GNB4: variants seen among roughly 807,000 people sequenced by gnomAD.
GNB4 encodes guanine nucleotide-binding protein subunit beta-4.
GNB4 carries 28 observed loss-of-function variants against 45.2 expected under a neutral mutation model. The observed-to-expected ratio is 0.62, with a 90% CI of 0.46 to 0.85. The LOEUF is 0.85. Among genes scored for constraint, GNB4 ranks in the 40% least tolerant of loss-of-function variants. GNB4 has a pLI of 0.00. For missense variants in GNB4, 321 were observed against 425.4 expected (o/e 0.75, Z 2.16); for synonymous variants, 132 against 143.7 (o/e 0.92, Z 0.58).
intron 1 of GNB4, among the ~76,000 whole-genome samples, chr3:179,438,166 A>G (rs1363091906): frequency 6.6e-6 from 1 of 152,216 alleles, no homozygotes; most frequent in Non-Finnish European, 1.5e-5. Context: ...CTGAGCATTT[A>G]TTACGTGTAT....
intron 1 of GNB4, among the ~76,000 whole-genome samples, chr3:179,437,545 A>G (rs1715488238): frequency 1.3e-5 from 2 of 150,656 alleles, no homozygotes; most frequent in African/African-American, 4.9e-5. Flanking sequence ...CTGACTGGCA[A>G]AAGAGCAAGT....
At chr3:179,507,429 A>G in the GNB4 span, among the ~76,000 whole-genome samples, 1 of 152,210 alleles carries the variant, frequency 6.6e-6, no homozygotes, top group Admixed American at 6.5e-5. Context: ...GGAGGAAGGA[A>G]GGAAGGAAGG....
At chr3:179,428,344 ATTGT>A in intron 1 of GNB4, among the ~76,000 whole-genome samples, 1 of 152,208 alleles carries the variant, frequency 6.6e-6, no homozygotes, top group East Asian at 1.9e-4. Context: ...ATAAAGTTTG[ATTGT>A]TTAACAATTT....
chr3:179,522,321 T>G, the GNB4 span, among the ~76,000 whole-genome samples: 1 of 142,998 alleles, frequency 7.0e-6, no homozygotes, highest in Non-Finnish European at 1.5e-5. Context: ...CCCTTTTGAC[T>G]GTAATTTTCC....
At chr3:179,520,580 C>T in the GNB4 span, among the ~76,000 whole-genome samples, 1 of 152,208 alleles carries the variant, frequency 6.6e-6, no homozygotes, top group Non-Finnish European at 1.5e-5. Context: ...CTCTACAGTT[C>T]TCATAACTTC....
chr3:179,452,921 G>A (rs1715920697), upstream of GNB4, among the ~76,000 whole-genome samples: 2 of 152,110 alleles, frequency 1.3e-5, no homozygotes, highest in South Asian at 4.1e-4. Context: ...AGGAAGCAAA[G>A]GGAAATTGTT....
chr3:179,492,562 A>G, the GNB4 span, among the ~76,000 whole-genome samples: 1 of 152,164 alleles, frequency 6.6e-6, no homozygotes, highest in African/African-American at 2.4e-5. Context: ...AGTGTACCCC[A>G]GAGACCTGGA....
chr3:179,479,102 C>T, the GNB4 span, among the ~76,000 whole-genome samples: 22 of 152,162 alleles, frequency 1.4e-4, no homozygotes, highest in Middle Eastern at 3.4e-3. Flanking sequence ...TATAGCAGTG[C>T]GAGAATAGAC....
chr3:179,508,944 A>ATATATATATG, the GNB4 span, among the ~76,000 whole-genome samples: 6 of 144,720 alleles, frequency 4.1e-5, no homozygotes, highest in Non-Finnish European at 9.0e-5. Flanking sequence ...ATATATATAT[A>ATATATATATG]TATATATATA....
chr3:179,424,079 G>C (rs775691405), intron 2 of GNB4, among the ~76,000 whole-genome samples: 3 of 152,304 alleles, frequency 2.0e-5, no homozygotes, highest in Non-Finnish European at 2.9e-5. Context: ...ACTAAGGTTG[G>C]GAGAACCAAC....
intron 8 of GNB4, 98 bp downstream of exon 8, chr3:179,413,313 TG>T: frequency 1.1e-6 from 1 of 893,602 alleles, no homozygotes; most frequent in Non-Finnish European, 1.8e-6. Context: ...GCACATTACT[TG>T]TAAGAATCCT....
chr3:179,443,838 C>T (rs978615985), intron 1 of GNB4, among the ~76,000 whole-genome samples: 2 of 152,256 alleles, frequency 1.3e-5, no homozygotes, highest in African/African-American at 4.8e-5. Context: ...CTATCCCATC[C>T]CCAATTCTCT....
chr3:179,416,129 CA>C (rs572403352), intron 5 of GNB4, among the ~76,000 whole-genome samples: 28 of 151,994 alleles, frequency 1.8e-4, no homozygotes, highest in Non-Finnish European at 3.7e-4. Context: ...TGGAGCGGGC[CA>C]AAGAAGAGCT....
At chr3:179,452,724 A>G (rs1399643097), upstream of GNB4, among the ~76,000 whole-genome samples, 1 of 152,174 alleles carries the variant, frequency 6.6e-6, no homozygotes, top group Non-Finnish European at 1.5e-5. Flanking sequence ...GAAACTGTGG[A>G]TAATTTTTCC....
At chr3:179,505,757 T>A in the GNB4 span, among the ~76,000 whole-genome samples, 1 of 152,206 alleles carries the variant, frequency 6.6e-6, no homozygotes. Flanking sequence ...AGTCATCATA[T>A]GACTTCATCA....
the GNB4 span, among the ~76,000 whole-genome samples, chr3:179,461,388 T>C: frequency 6.6e-6 from 1 of 151,864 alleles, no homozygotes; most frequent in Non-Finnish European, 1.5e-5. Flanking sequence ...TCCCAGCTAC[T>C]CGGGAGGCTG....
chr3:179,416,629 T>A (rs1169352134), intron 4 of GNB4, 73 bp from the exon 5 acceptor site: 2 of 768,418 alleles, frequency 2.6e-6, no homozygotes, highest in Non-Finnish European at 4.2e-6. Context: ...TGCATTGCAT[T>A]AATGTAGAAT....
intron 1 of GNB4, among the ~76,000 whole-genome samples, chr3:179,450,323 C>T (rs1007199641): frequency 3.9e-5 from 6 of 152,170 alleles, no homozygotes; most frequent in African/African-American, 1.4e-4. Flanking sequence ...CAGCCGTCCT[C>T]CTCTCCGACT....
the GNB4 span, chr3:179,465,193 A>G: frequency 3.0e-6 from 4 of 1,312,626 alleles, no homozygotes; most frequent in Admixed American, 1.7e-5. Flanking sequence ...ATGATCCTGT[A>G]ACTGCCAAAC....
Sources: allele counts gnomAD v4.1 joint callset (sites outside exome capture counted in the v4.1 genomes callset), GRCh38; gene constraint gnomAD v4.1.1; transcripts MANE v1.5; gene names NCBI Gene and HGNC (gene_info 2026-07-23, HGNC 2026-07-21).